GRIK4: variants seen among roughly 807,000 people sequenced by gnomAD.
GRIK4 encodes glutamate ionotropic receptor kainate type subunit 4, also known as glutamate receptor ionotropic, kainate 4.
GRIK4 carries 40 observed loss-of-function variants against 104.9 expected under a neutral mutation model. That is an observed-to-expected ratio of 0.38 (90% CI 0.30 to 0.50). The LOEUF is 0.50. Among genes scored for constraint, GRIK4 ranks in the 20% least tolerant of loss-of-function variants. GRIK4 has a pLI of 0.93. For missense variants in GRIK4, 1,047 were observed against 1,308.1 expected (o/e 0.80, Z 3.08); for synonymous variants, 485 against 524.9 (o/e 0.92, Z 1.04).
chr11:120,590,239 C>A (rs904874294), intron 1 of GRIK4, among the ~76,000 whole-genome samples: 2 of 152,214 alleles, frequency 1.3e-5, no homozygotes, highest in African/African-American at 2.4e-5. Flanking sequence ...CTTGACCTTA[C>A]ACCTTACCCC....
chr11:120,718,786 T>C lies in GRIK4; in HGVS notation c.82+58386T>C, dbSNP rs147850554. On this transcript the variant is annotated intron_variant, in intron 3 of 20. Transcript: ENST00000527524. ...GACCTGCCAGTACCAACCTTGGTCC[T>C]GCCTTGACTTAGCCTGGGTTCATAC... 3.2e-3 allele frequency among the ~76,000 whole-genome samples: 491 copies of C among 152,354 alleles called. 4 individuals are homozygous for C. The highest frequency in any genetic ancestry group is 0.011 in the African/African-American group (474 of 41,594).
In GRIK4 at chr11:120,604,736, A is replaced by G. The variant is rs552118490; in HGVS notation, c.-158-48949A>G. 7.2e-5 allele frequency among the ~76,000 whole-genome samples: 11 copies of G among 152,360 alleles called. No homozygotes were observed. In the South Asian group the frequency reaches 1.5e-3, roughly 20 times the overall value. On this transcript the variant is annotated intron_variant, in intron 1 of 20. Transcript: ENST00000527524. ...GATCCAGATAGATTTACAGGGCTGCATTGGTGGTTCCCAAATCTGCCTCTT... is the reference window on the plus strand; with the variant it reads ...GATCCAGATAGATTTACAGGGCTGCGTTGGTGGTTCCCAAATCTGCCTCTT...
In GRIK4 at chr11:120,819,423, C is replaced by T. The variant is rs1953047650; in HGVS notation, c.346-332C>T. Among the ~76,000 whole-genome samples the T allele has an allele frequency of 6.6e-6, 1 of 152,200 alleles. No homozygotes were observed. The highest frequency in any genetic ancestry group is 6.5e-5 in the Admixed American group (1 of 15,284). On this transcript the variant is annotated intron_variant, in intron 5 of 20. Coordinates refer to ENST00000527524, the MANE Select transcript of GRIK4 (RefSeq NM_014619.5). This position sits in a 1 kb window ranked among gnomAD's most constrained non-coding sequence, Gnocchi z 4.3. ...TTTCAAGAGCCAACTGTCTCTCTGC[C>T]AGCAGCAGGCAGTTCCTCTAAGAAT...
intron 1 of GRIK4, among the ~76,000 whole-genome samples, chr11:120,583,696 A>G (rs901810966): frequency 6.6e-6 from 1 of 152,122 alleles, no homozygotes; most frequent in Non-Finnish European, 1.5e-5. Context: ...GGCTTTTCAA[A>G]CACTTTTTTG....
intron 1 of GRIK4, among the ~76,000 whole-genome samples, chr11:120,600,069 C>T (rs1948863689): frequency 6.6e-6 from 1 of 152,130 alleles, no homozygotes; most frequent in Non-Finnish European, 1.5e-5. Context: ...TGCAGGTGGC[C>T]GAAGCCCTTG....
At chr11:120,858,787 A>C (rs1304807188) in intron 8 of GRIK4, 1 of 152,200 alleles carries the variant, frequency 6.6e-6, no homozygotes, top group Non-Finnish European at 1.5e-5. Context: ...TCTTTTAGAC[A>C]ATAGTCTTCA....
At chr11:120,633,520 T>G (rs192066875) in intron 1 of GRIK4, among the ~76,000 whole-genome samples, 1 of 152,354 alleles carries the variant, frequency 6.6e-6, no homozygotes, top group African/African-American at 2.4e-5. Context: ...TGTCTGAAGC[T>G]AGGCTGCCAT....
rs935237011 is a variant in GRIK4, at chr11:120,956,123, T to G, written c.1701-657T>G. On this transcript the variant is annotated intron_variant, in intron 15 of 20. Transcript: ENST00000527524. This position sits in a 1 kb window ranked among gnomAD's most constrained non-coding sequence, Gnocchi z 4.6. ...GACACTAATATCTCTCTCATCACCC[T>G]GTCACTGGCAGTGACAGAACAAGCG... Among the ~76,000 whole-genome samples the G allele has an allele frequency of 7.9e-5, 12 of 152,032 alleles. No individual in the cohort carries two copies. The highest frequency in any genetic ancestry group is 1.6e-4 in the Non-Finnish European group (11 of 68,012).
intron 1 of GRIK4, among the ~76,000 whole-genome samples, chr11:120,534,886 G>A (rs1947957413): frequency 1.3e-5 from 2 of 152,158 alleles, no homozygotes; most frequent in South Asian, 2.1e-4. Context: ...AGAGGTTAGG[G>A]TGACCAACCA....
chr11:120,554,834 C>T (rs1054172918), intron 1 of GRIK4, among the ~76,000 whole-genome samples: 3 of 152,226 alleles, frequency 2.0e-5, no homozygotes, highest in Non-Finnish European at 4.4e-5. Context: ...GCTGGGATTA[C>T]AGGCGTGAGC....
At chr11:120,534,958 A>G (rs910547489) in intron 1 of GRIK4, among the ~76,000 whole-genome samples, 13 of 152,168 alleles carry the variant, frequency 8.5e-5, no homozygotes, top group Admixed American at 7.9e-4. Context: ...TAAACCCAGG[A>G]TGATCCCGGG....
rs547199127 is a variant in GRIK4, at chr11:120,861,093, C to CTTTTTTT, written c.745-840_745-834dup. Among the ~76,000 whole-genome samples, 62 of 86,562 alleles carry CTTTTTTT rather than the reference C, an allele frequency of 7.2e-4. 3 individuals carry two copies. Among genetic ancestry groups the CTTTTTTT allele is most frequent in the African/African-American group, 1.3e-3 (29 of 22,488 alleles). The allele number at this position is 86,562 out of a possible 152,430, so 56.8% of individuals were successfully genotyped here. A position where few individuals can be genotyped will look rare whatever the true frequency, so the allele number is the denominator to read the frequency against. ...TTAGGTAGGGTTCAGAAATCATCCT[C>CTTTTTTT]TTTTTTTTTTTTTTTTTTTTTTTTT... On this transcript the variant is annotated intron_variant, in intron 8 of 20. Coordinates refer to ENST00000527524, the MANE Select transcript of GRIK4 (RefSeq NM_014619.5).
rs35735869 is a variant in GRIK4, at chr11:120,725,744, A to AT, written c.82+65345dup. 8.6e-3 allele frequency among the ~76,000 whole-genome samples: 1,301 copies of AT among 151,022 alleles called. 39 individuals are homozygous for AT. The highest frequency in any genetic ancestry group is 0.086 in the East Asian group (444 of 5,170). ...ACCAGAAGGGTCATTTTCTATGTTT[A>AT]TAAAAAAAAAAAATCTATGGAACTA... is the stretch of plus-strand genomic sequence containing the variant. On this transcript the variant is annotated intron_variant, in intron 3 of 20. Coordinates refer to ENST00000527524, the MANE Select transcript of GRIK4 (RefSeq NM_014619.5).
intron 1 of GRIK4, among the ~76,000 whole-genome samples, chr11:120,630,632 G>A (rs1322847274): frequency 6.6e-6 from 1 of 152,230 alleles, no homozygotes; most frequent in Non-Finnish European, 1.5e-5. Context: ...AACTCTCTTG[G>A]GAGAGGGCTT....
chr11:120,638,512 G>A (rs552127760), intron 1 of GRIK4, among the ~76,000 whole-genome samples: 10 of 148,430 alleles, frequency 6.7e-5, no homozygotes, highest in South Asian at 6.4e-4. Context: ...ACGGAGTCTC[G>A]TGTCACCCAG....
intron 3 of GRIK4, among the ~76,000 whole-genome samples, chr11:120,671,313 C>A (rs1337954891): frequency 6.6e-6 from 1 of 152,176 alleles, no homozygotes; most frequent in African/African-American, 2.4e-5. Context: ...ATTTACACTC[C>A]CACCAACAGT....
At chr11:120,841,994 C>T (rs1434873565) in intron 8 of GRIK4, among the ~76,000 whole-genome samples, 1 of 152,172 alleles carries the variant, frequency 6.6e-6, no homozygotes, top group African/African-American at 2.4e-5. Context: ...ATCCCCAGTT[C>T]AGGAGCTTAT....
intron 3 of GRIK4, among the ~76,000 whole-genome samples, chr11:120,777,999 G>T (rs555221530): frequency 6.6e-6 from 1 of 152,154 alleles, no homozygotes; most frequent in East Asian, 1.9e-4. Context: ...ATGAGGTGGG[G>T]GTGCTGTTTC....
chr11:120,956,981 G>A lies in GRIK4; in HGVS notation c.1874+28G>A, dbSNP rs1208258058. ...AAGGCCCCAGGCAGAGGTGAACCAG[G>A]CCAGGTGGGGTGGGGACACAAAAGG... On this transcript the variant is annotated intron_variant, in intron 16 of 20. Transcript: ENST00000527524. This position sits in a 1 kb window ranked among gnomAD's most constrained non-coding sequence, Gnocchi z 4.6. The A allele has an allele frequency of 6.5e-7, 1 of 1,547,884 alleles. No homozygotes were observed. Among genetic ancestry groups the A allele is most frequent in the Admixed American group, 1.8e-5 (1 of 54,956 alleles).
Sources: gnomAD v4.1 joint callset for allele counts (sites outside exome capture counted in the v4.1 genomes callset) on GRCh38, gnomAD v4.1.1 for gene constraint, Gnocchi (gnomAD v3.1) non-coding constraint, MANE v1.5 for transcripts, NCBI Gene and HGNC (gene_info 2026-07-23, HGNC 2026-07-21) for gene names.